The following TSPEAR variants were observed in gnomAD, a reference collection of about 807,000 sequenced individuals.
The protein encoded by TSPEAR is thrombospondin type laminin G domain and EAR repeats.
TSPEAR carries 69 observed loss-of-function variants against 71.6 expected under a neutral mutation model. The observed-to-expected ratio is 0.96, with a 90% CI of 0.79 to 1.18. TSPEAR has a LOEUF of 1.18. TSPEAR is among the 50% of genes most tolerant of loss of function. The probability of loss-of-function intolerance (pLI) is 0.00; values close to 1 mark genes in which losing one functional copy is unlikely to be tolerated. For synonymous variants in TSPEAR, 402 were observed against 387.2 expected, an observed-to-expected ratio of 1.04 and a Z score of -0.45; for missense variants, 971 against 894.9, an observed-to-expected ratio of 1.09 and a Z score of -1.09.
chr21:44,607,201 TC>T (rs1981369126), intron 1 of TSPEAR, among the ~76,000 whole-genome samples: 2 of 152,180 alleles, frequency 1.3e-5, no homozygotes, highest in Non-Finnish European at 2.9e-5. Context: ...TGCCTCAGCC[TC>T]CCAAGTAGCT....
At chr21:44,573,221 A>G (rs1031609847) in intron 1 of TSPEAR, among the ~76,000 whole-genome samples, 1 of 152,122 alleles carries the variant, frequency 6.6e-6, no homozygotes, top group Non-Finnish European at 1.5e-5. Context: ...TAAGCTTTCA[A>G]TCACAGAGGC....
In TSPEAR at chr21:44,695,248, T is replaced by C. The variant is rs926195; in HGVS notation, c.82+16185A>G. The stretch of plus-strand genomic sequence containing the variant: ...ACTCTCCTGGTCCTGTCCTGGCACC[T>C]TTGCTCCCACTGGACTGGACGCTGT... On this transcript the variant is annotated intron_variant, in intron 1 of 11. Coordinates refer to ENST00000323084, the MANE Select transcript of TSPEAR (RefSeq NM_144991.3). This position sits in a 1 kb window ranked among gnomAD's most constrained non-coding sequence, Gnocchi z 4.5. 0.72 allele frequency among the ~76,000 whole-genome samples: 109,030 copies of C among 152,094 alleles called. 39,314 individuals carry two copies. The highest frequency in any genetic ancestry group is 0.84 in the Middle Eastern group (247 of 294).
At chr21:44,539,885 C>A (rs782788125) in intron 2 of TSPEAR, 1 of 1,577,852 alleles carries the variant, frequency 6.3e-7, no homozygotes, top group South Asian at 1.1e-5. Context: ...GGAGGTGCAG[C>A]AAGCCGGCTG....
intron 2 of TSPEAR, among the ~76,000 whole-genome samples, chr21:44,560,492 C>T (rs1466661857): frequency 2.6e-5 from 4 of 152,310 alleles, no homozygotes; most frequent in South Asian, 4.1e-4. Context: ...ACCTAATAGA[C>T]ATCTGCAGAA....
intron 8 of TSPEAR, among the ~76,000 whole-genome samples, chr21:44,523,711 A>ATCAG (rs1305654087): frequency 6.7e-6 from 1 of 149,148 alleles, no homozygotes; most frequent in African/African-American, 2.5e-5. Flanking sequence ...GTAGTTAGTC[A>ATCAG]TCAGTCAGTC....
chr21:44,698,533 G>C (rs1026142576), intron 1 of TSPEAR, among the ~76,000 whole-genome samples: 2 of 152,224 alleles, frequency 1.3e-5, no homozygotes, highest in African/African-American at 4.8e-5. Context: ...GCGAGTGTCA[G>C]AGGTGGCAGC....
At chr21:44,555,820 TGGCTG>T (rs1462248338) in intron 2 of TSPEAR, among the ~76,000 whole-genome samples, 1 of 152,138 alleles carries the variant, frequency 6.6e-6, no homozygotes, top group Non-Finnish European at 1.5e-5. Context: ...CTTGTCCTGG[TGGCTG>T]GGCTGGGAGC....
chr21:44,635,114 G>GCGGGAGGATCACTTGAGGT (rs1298994582), intron 1 of TSPEAR, among the ~76,000 whole-genome samples: 1 of 152,128 alleles, frequency 6.6e-6, no homozygotes, highest in East Asian at 1.9e-4. Context: ...GGAGGCCGAG[G>GCGGGAGGATCACTTGAGGT]CGGGAGGATC....
chr21:44,677,913 A>G (rs1986395890), intron 1 of TSPEAR: 2 of 1,399,704 alleles, frequency 1.4e-6, no homozygotes, highest in East Asian at 2.3e-5. Context: ...AGTGCCACCA[A>G]TACCTCCACC....
At chr21:44,533,450 CGGCTCCTGCCTCTCCACCCCAT>C (rs2145987059) in intron 3 of TSPEAR, among the ~76,000 whole-genome samples, 2 of 150,990 alleles carry the variant, frequency 1.3e-5, no homozygotes, top group South Asian at 4.3e-4. Context: ...GGCCCCTGGT[CGGCTCCTGCCTCTCCACCCCAT>C]GGCTCCTGTC....
rs587756931 is a variant in TSPEAR at position 44,539,309 on chromosome 21, G to T, written c.304-5386C>A. The T allele has an allele frequency of 8.4e-5, 135 of 1,609,668 alleles. No homozygotes were observed. In the South Asian group the frequency reaches 1.3e-3, roughly 16 times the overall value. The stretch of plus-strand genomic sequence containing the variant: ...CTGGCCTGAGCAGAGGCCTCAGCAG[G>T]CCGGGCGGGAGCACGCGGGGCGGCA... On this transcript the variant is annotated intron_variant, in intron 2 of 11. Coordinates refer to ENST00000323084, the MANE Select transcript of TSPEAR (RefSeq NM_144991.3).
At chr21:44,652,882 T>C (rs997558750) in intron 1 of TSPEAR, among the ~76,000 whole-genome samples, 2 of 151,864 alleles carry the variant, frequency 1.3e-5, no homozygotes, top group Non-Finnish European at 2.9e-5. Context: ...TCTGGCGGGG[T>C]GTGGTGGCTC....
chr21:44,647,733 T>G (rs1167568245), intron 1 of TSPEAR: 1 of 296,704 alleles, frequency 3.4e-6, no homozygotes, highest in Non-Finnish European at 6.6e-6. Context: ...ACTGTCTTGT[T>G]AAAGGCAGAC....
chr21:44,648,499 G>T (rs587693814), intron 1 of TSPEAR, among the ~76,000 whole-genome samples: 4 of 152,256 alleles, frequency 2.6e-5, no homozygotes, highest in African/African-American at 9.6e-5. Context: ...GAAAAATACG[G>T]CCATCCCCAT....
intron 2 of TSPEAR, among the ~76,000 whole-genome samples, chr21:44,561,241 G>A (rs2053628272): frequency 1.3e-5 from 2 of 152,072 alleles, no homozygotes; most frequent in Admixed American, 6.5e-5. Flanking sequence ...AGAAGAAATG[G>A]GTAAATTCCT....
chr21:44,520,381 C>G lies in TSPEAR; in HGVS notation c.1566+1502G>C, dbSNP rs1275558911. ...GCTGGGAAAGTGGGGAGGGTGCTCC[C>G]TGACATCTGCTCTCCTCGTGCCCTG... On this transcript the variant is annotated intron_variant, in intron 9 of 11. Coordinates refer to ENST00000323084, the MANE Select transcript of TSPEAR (RefSeq NM_144991.3). This position sits in a 1 kb window ranked among gnomAD's most constrained non-coding sequence, Gnocchi z 4.2. The G allele has an allele frequency of 6.6e-6, 1 of 152,044 alleles. No homozygotes were observed. Among genetic ancestry groups the G allele is most frequent in the African/African-American group, 2.4e-5 (1 of 41,394 alleles). The allele number at this position is 152,044 out of a possible 1,614,324, so 9.4% of individuals were successfully genotyped here.
intron 1 of TSPEAR, among the ~76,000 whole-genome samples, chr21:44,632,768 T>C (rs146699772): frequency 3.4e-4 from 52 of 152,204 alleles, no homozygotes; most frequent in African/African-American, 1.2e-3. Context: ...CACTTGAACC[T>C]GGGAGGCAGA....
At chr21:44,611,810 T>A in intron 1 of TSPEAR, among the ~76,000 whole-genome samples, 1 of 152,130 alleles carries the variant, frequency 6.6e-6, no homozygotes, top group East Asian at 1.9e-4. Flanking sequence ...AACTCCCAGC[T>A]CCACCAGCAG....
intron 1 of TSPEAR, among the ~76,000 whole-genome samples, chr21:44,666,019 GGA>G (rs1387034886): frequency 1.3e-5 from 2 of 152,164 alleles, no homozygotes; most frequent in Non-Finnish European, 2.9e-5. Flanking sequence ...AGGAGCCCTG[GGA>G]GAGACCACAT....
Sources: allele counts gnomAD v4.1 joint callset (sites outside exome capture counted in the v4.1 genomes callset), GRCh38; gene constraint gnomAD v4.1.1; non-coding constraint Gnocchi (gnomAD v3.1); transcripts MANE v1.5; gene names NCBI Gene and HGNC (gene_info 2026-07-23, HGNC 2026-07-21).